The following GALNTL6 variants were observed in gnomAD, a reference collection of about 807,000 sequenced individuals.
GALNTL6 encodes the protein polypeptide N-acetylgalactosaminyltransferase-like 6.
A neutral mutation model predicts 73.7 loss-of-function variants in GALNTL6; 46 were observed. The observed-to-expected ratio is 0.62, with a 90% CI of 0.49 to 0.80. GALNTL6 has a LOEUF of 0.80. Among genes scored for constraint, GALNTL6 ranks in the 30% least tolerant of loss-of-function variants. The probability of loss-of-function intolerance (pLI) is 0.00; values close to 1 mark genes in which losing one functional copy is unlikely to be tolerated. For synonymous variants in GALNTL6, 259 were observed against 263.7 expected (o/e 0.98, Z 0.17); for missense variants, 604 against 755.0 (o/e 0.80, Z 2.34).
chr4:172,218,726 C>G (rs1736574960), intron 2 of GALNTL6, among the ~76,000 whole-genome samples: 1 of 151,886 alleles, frequency 6.6e-6, no homozygotes, highest in African/African-American at 2.4e-5. Flanking sequence ...GAGCTGAAAC[C>G]AGAAATTCCT....
chr4:172,295,117 G>A (rs2111108088), intron 3 of GALNTL6, among the ~76,000 whole-genome samples: 1 of 152,160 alleles, frequency 6.6e-6, no homozygotes, highest in East Asian at 1.9e-4. Context: ...AGGCATATTA[G>A]CAAACTATAT....
At chr4:172,186,142 T>A (rs148856828) in intron 2 of GALNTL6, among the ~76,000 whole-genome samples, 6 of 152,256 alleles carry the variant, frequency 3.9e-5, no homozygotes, top group African/African-American at 9.6e-5. Flanking sequence ...TGAAAATTGG[T>A]ACACTTCTCC....
intron 8 of GALNTL6, among the ~76,000 whole-genome samples, chr4:172,914,053 A>C (rs1427420673): frequency 6.6e-6 from 1 of 152,190 alleles, no homozygotes; most frequent in East Asian, 1.9e-4. Context: ...CTCAGCAGAA[A>C]CTCTACAAGC....
At chr4:172,817,634 A>G (rs1202293244) in intron 7 of GALNTL6, among the ~76,000 whole-genome samples, 1 of 152,190 alleles carries the variant, frequency 6.6e-6, no homozygotes, top group Non-Finnish European at 1.5e-5. Context: ...GTGACAAAAC[A>G]TAATATGCTC....
At chr4:172,750,254 A>G (rs540274807) in intron 5 of GALNTL6, among the ~76,000 whole-genome samples, 1 of 152,342 alleles carries the variant, frequency 6.6e-6, no homozygotes, top group African/African-American at 2.4e-5. Context: ...TTACAGTGAA[A>G]GACATATTTT....
chr4:172,006,995 C>T (rs1740862808), intron 2 of GALNTL6, among the ~76,000 whole-genome samples: 1 of 152,056 alleles, frequency 6.6e-6, no homozygotes, highest in Non-Finnish European at 1.5e-5. Flanking sequence ...TGTAAAGCAA[C>T]AAAATTCTGT....
At chr4:171,974,504 A>G (rs1049595686) in intron 2 of GALNTL6, among the ~76,000 whole-genome samples, 1 of 152,148 alleles carries the variant, frequency 6.6e-6, no homozygotes, top group Non-Finnish European at 1.5e-5. Flanking sequence ...TACATTTCCA[A>G]CTAATGATAA....
intron 2 of GALNTL6, among the ~76,000 whole-genome samples, chr4:172,115,170 T>G (rs1732953155): frequency 6.6e-6 from 1 of 152,138 alleles, no homozygotes; most frequent in Admixed American, 6.6e-5. Context: ...TAGAAACATT[T>G]AAAATCTTTG....
intron 5 of GALNTL6, among the ~76,000 whole-genome samples, chr4:172,353,665 G>A (rs1378908942): frequency 2.6e-5 from 4 of 151,420 alleles, no homozygotes; most frequent in Admixed American, 2.0e-4. Flanking sequence ...AATCTATTTT[G>A]CTTTGGAATC....
At chr4:172,160,802 TAAAG>T (rs1417588275) in intron 2 of GALNTL6, among the ~76,000 whole-genome samples, 3 of 151,646 alleles carry the variant, frequency 2.0e-5, no homozygotes, top group Non-Finnish European at 4.4e-5. Context: ...TACATATATA[TAAAG>T]AAACAGAGGG....
intron 8 of GALNTL6, among the ~76,000 whole-genome samples, chr4:172,912,302 G>A (rs1445063969): frequency 1.4e-4 from 21 of 152,182 alleles, no homozygotes; most frequent in Admixed American, 1.4e-3. Flanking sequence ...CCCAGTGTCA[G>A]CAACGCAGAA....
intron 5 of GALNTL6, among the ~76,000 whole-genome samples, chr4:172,592,034 C>T (rs1656270064): frequency 6.6e-6 from 1 of 152,190 alleles, no homozygotes; most frequent in African/African-American, 2.4e-5. Flanking sequence ...AGCTTGCCTA[C>T]TGTCTTACTC....
intron 5 of GALNTL6, among the ~76,000 whole-genome samples, chr4:172,706,499 A>G (rs569417486): frequency 2.6e-5 from 4 of 151,596 alleles, no homozygotes; most frequent in African/African-American, 9.7e-5. Context: ...TTCTCTATCC[A>G]CTCTTGTTTT....
intron 5 of GALNTL6, among the ~76,000 whole-genome samples, chr4:172,502,277 T>C (rs1328875018): frequency 1.3e-5 from 2 of 152,210 alleles, no homozygotes; most frequent in African/African-American, 4.8e-5. Flanking sequence ...TGATGTGCCT[T>C]TTAAAAACTC....
intron 2 of GALNTL6, among the ~76,000 whole-genome samples, chr4:172,096,084 C>CTGTGTGTGTGTGTGTG (rs138495979): frequency 8.4e-4 from 124 of 147,180 alleles, no homozygotes; most frequent in African/African-American, 2.9e-3. Context: ...CTCTCTCTTT[C>CTGTGTGTGTGTGTGTG]TGTGTGTGTG....
At chr4:172,954,284 C>A (rs1401472553) in intron 10 of GALNTL6, among the ~76,000 whole-genome samples, 3 of 152,180 alleles carry the variant, frequency 2.0e-5, no homozygotes. Flanking sequence ...CACTCAGTTT[C>A]TAGGAAAGGT....
chr4:172,250,626 A>G (rs1737827143), intron 3 of GALNTL6, among the ~76,000 whole-genome samples: 1 of 152,084 alleles, frequency 6.6e-6, no homozygotes, highest in Non-Finnish European at 1.5e-5. Context: ...TCTCCTTGCC[A>G]CCACGTGCAG....
chr4:172,363,901 T>G (rs1561046676), intron 5 of GALNTL6, among the ~76,000 whole-genome samples: 1 of 152,148 alleles, frequency 6.6e-6, no homozygotes, highest in Non-Finnish European at 1.5e-5. Flanking sequence ...AATAGAACAT[T>G]TTACCACTGC....
At chr4:172,972,945 C>A (rs1451310455) in intron 10 of GALNTL6, among the ~76,000 whole-genome samples, 2 of 152,026 alleles carry the variant, frequency 1.3e-5, no homozygotes, top group African/African-American at 4.8e-5. Flanking sequence ...GCTTGGGCAC[C>A]AAATCATGAC....
Sources: gnomAD v4.1 joint callset for allele counts (sites outside exome capture counted in the v4.1 genomes callset) on GRCh38, gnomAD v4.1.1 for gene constraint, MANE v1.5 for transcripts, NCBI Gene and HGNC (gene_info 2026-07-23, HGNC 2026-07-21) for gene names.